POGZ: variants seen among roughly 807,000 people sequenced by gnomAD.
POGZ encodes the protein pogo transposable element with ZNF domain.
Under a neutral mutation model 134.6 loss-of-function variants are expected in POGZ, and 17 were observed. The ratio of observed to expected loss-of-function variants is 0.13; its 90% CI spans 0.09 to 0.19. The LOEUF (loss-of-function observed/expected upper bound fraction) is 0.19, where lower values mean the gene tolerates loss of function less well. Among genes scored for constraint, POGZ ranks in the 10% least tolerant of loss-of-function variants. The probability of loss-of-function intolerance (pLI) is 1.00; values close to 1 mark genes in which losing one functional copy is unlikely to be tolerated. For missense variants in POGZ, 1,306 were observed against 1,769.7 expected (o/e 0.74, Z 4.70); for synonymous variants, 693 against 657.1 (o/e 1.05, Z -0.84).
chr1:151,412,472 C>A, intron 10 of POGZ, 76 bp from the exon 11 acceptor site: 1 of 783,308 alleles, frequency 1.3e-6, no homozygotes, highest in South Asian at 1.5e-5. Context: ...TCTTTATTTT[C>A]TCTGCCTCCT....
intron 1 of POGZ, among the ~76,000 whole-genome samples, chr1:151,458,942 C>T (rs996985876): frequency 1.4e-5 from 2 of 144,826 alleles, no homozygotes; most frequent in Non-Finnish European, 3.1e-5. Context: ...CGCGCTCGCG[C>T]GCCGCACCCC....
chr1:151,428,757 C>T (rs1198812267), intron 5 of POGZ, among the ~76,000 whole-genome samples: 1 of 152,058 alleles, frequency 6.6e-6, no homozygotes, highest in African/African-American at 2.4e-5. Flanking sequence ...AAATGGCAAA[C>T]CTGGTCCTGA....
In POGZ at chr1:151,403,599, T is replaced by G. The variant is rs12566673; in HGVS notation, c.*1203A>C. 3.0e-6 allele frequency: 3 copies of G among 985,638 alleles called. No homozygotes were observed. Among genetic ancestry groups the G allele is most frequent in the South Asian group, 9.4e-5 (2 of 21,256 alleles). The allele number at this position is 985,638 out of a possible 1,614,324, so 61.1% of individuals were successfully genotyped here. On this transcript the variant is annotated 3_prime_UTR_variant, in exon 19 of 19. Coordinates refer to ENST00000271715, the MANE Select transcript of POGZ (RefSeq NM_015100.4). The stretch of plus-strand genomic sequence containing the variant: ...TGCAAATTGTAGAAAAAATTTTCTT[T>G]CCTTGAAGCTGGCAGTGAAAAATAA...
chr1:151,409,270 TCCCCTTCCATA>T (rs1557875006), intron 12 of POGZ, among the ~76,000 whole-genome samples: 1 of 152,218 alleles, frequency 6.6e-6, no homozygotes. Context: ...CAACACTCAG[TCCCCTTCCATA>T]CAAACAACTT....
rs567177098 is a variant in POGZ, at chr1:151,443,960, C to T, written c.-1-1755G>A. The stretch of plus-strand genomic sequence containing the variant: ...GCGAAAACCAAAACCAAACAACCAA[C>T]CTAACCATTCTGTTTATTGAGTATT... On this transcript the variant is annotated intron_variant, in intron 1 of 18. Coordinates refer to ENST00000271715, the MANE Select transcript of POGZ (RefSeq NM_015100.4). Among the ~76,000 whole-genome samples the T allele has an allele frequency of 3.3e-5, 5 of 152,276 alleles. No homozygotes were observed. In the South Asian group the frequency reaches 8.3e-4, roughly 25 times the overall value.
intron 8 of POGZ, 121 bp downstream of exon 8, chr1:151,424,834 G>A: frequency 1.6e-6 from 1 of 620,184 alleles, no homozygotes. Flanking sequence ...AACAGACCAA[G>A]AGAAACAGTA....
intron 1 of POGZ, among the ~76,000 whole-genome samples, chr1:151,453,658 T>C (rs1227035822): frequency 6.6e-6 from 1 of 152,216 alleles, no homozygotes; most frequent in Non-Finnish European, 1.5e-5. Context: ...CAATAGGTTT[T>C]ACTTAACACT....
chr1:151,458,115 C>A (rs1312019868), intron 1 of POGZ, among the ~76,000 whole-genome samples: 1 of 152,034 alleles, frequency 6.6e-6, no homozygotes, highest in East Asian at 1.9e-4. Flanking sequence ...AAGGACTCAT[C>A]AGCACTACCT....
At chr1:151,431,424 C>T (rs1658677036) in intron 3 of POGZ, among the ~76,000 whole-genome samples, 2 of 152,158 alleles carry the variant, frequency 1.3e-5, no homozygotes, top group South Asian at 2.1e-4. Context: ...GCTAATCCCC[C>T]TTAATTTTTT....
intron 1 of POGZ, among the ~76,000 whole-genome samples, chr1:151,446,281 T>G (rs1332547004): frequency 6.7e-6 from 1 of 149,926 alleles, no homozygotes; most frequent in East Asian, 1.9e-4. Flanking sequence ...AAAACGAATT[T>G]TATTCCCTCT....
intron 1 of POGZ, among the ~76,000 whole-genome samples, chr1:151,450,401 G>A (rs574941258): frequency 6.6e-6 from 1 of 152,148 alleles, no homozygotes; most frequent in South Asian, 2.1e-4. Flanking sequence ...CGCCTGGGCT[G>A]TAGTGCAGTG....
At chr1:151,431,981 C>T (rs1658765496) in intron 3 of POGZ, among the ~76,000 whole-genome samples, 1 of 151,890 alleles carries the variant, frequency 6.6e-6, no homozygotes, top group Non-Finnish European at 1.5e-5. Flanking sequence ...CCAGCCTGGC[C>T]AACACAGCAA....
At chr1:151,430,871 G>T in intron 3 of POGZ, 30 bp from the exon 4 acceptor site, 1 of 1,457,554 alleles carries the variant, frequency 6.9e-7, no homozygotes, top group African/African-American at 1.5e-5. Flanking sequence ...AAAAAAAAAG[G>T]AATGTTAGAA....
At chr1:151,440,864 G>A in intron 3 of POGZ, 64 bp downstream of exon 3, 4 of 1,418,424 alleles carry the variant, frequency 2.8e-6, no homozygotes, top group Non-Finnish European at 3.0e-6. Context: ...GGCTGTCCCT[G>A]AGACCTTTTT....
intron 11 of POGZ, among the ~76,000 whole-genome samples, chr1:151,412,000 TCTAA>T (rs1481829849): frequency 6.6e-6 from 1 of 152,336 alleles, no homozygotes; most frequent in Middle Eastern, 3.4e-3. Flanking sequence ...ATCCATGTTC[TCTAA>T]CTAAGAAAAA....
At chr1:151,430,537 A>T in intron 4 of POGZ, 129 bp downstream of exon 4, 1 of 661,062 alleles carries the variant, frequency 1.5e-6, no homozygotes, top group East Asian at 3.0e-5. Context: ...GAACAGTAAA[A>T]GAGAAAGCCA....
At chr1:151,416,294 C>T (rs957163468) in intron 10 of POGZ, among the ~76,000 whole-genome samples, 5 of 149,170 alleles carry the variant, frequency 3.4e-5, no homozygotes, top group Middle Eastern at 3.7e-3. Flanking sequence ...CGGTGGCTCA[C>T]GCCTGTAATC....
In POGZ at chr1:151,430,657, C is replaced by T. The variant is rs111706715; in HGVS notation, c.459+9G>A. On this transcript the variant is annotated intron_variant, in intron 4 of 18. Transcript: ENST00000271715. ...CTCTAGCAACCTTGGAATTCAGAGT[C>T]CTACTCACCTGCGTAGTGATAAATA... 5.0e-6 allele frequency: 8 copies of T among 1,595,660 alleles called. No homozygotes were observed. In the African/African-American group the frequency reaches 9.5e-5, roughly 19 times the overall value.
intron 8 of POGZ, 138 bp downstream of exon 8, chr1:151,424,817 T>C: frequency 1.7e-6 from 1 of 595,494 alleles, no homozygotes; most frequent in Non-Finnish European, 3.1e-6. Context: ...TACACAGCTC[T>C]TCTAAAAACA....
Sources: gnomAD v4.1 joint callset for allele counts (sites outside exome capture counted in the v4.1 genomes callset) on GRCh38, gnomAD v4.1.1 for gene constraint, MANE v1.5 for transcripts, NCBI Gene and HGNC (gene_info 2026-07-23, HGNC 2026-07-21) for gene names.